GPC6: variants seen among roughly 807,000 people sequenced by gnomAD.
The protein encoded by GPC6 is glypican 6.
GPC6 carries 14 observed loss-of-function variants against 55.2 expected under a neutral mutation model. The ratio of observed to expected loss-of-function variants is 0.25; its 90% confidence interval spans 0.17 to 0.40. GPC6 has a LOEUF of 0.40. Ranked by LOEUF, GPC6 falls within the 10% of genes least tolerant of loss-of-function variation. GPC6 has a pLI of 1.00. For missense variants in GPC6, 641 were observed against 708.5 expected, an observed-to-expected ratio of 0.90 and a Z score of 1.08; for synonymous variants, 278 against 259.6, an observed-to-expected ratio of 1.07 and a Z score of -0.68.
chr13:94,004,484 A>C, intron 3 of GPC6, among the ~76,000 whole-genome samples: 1 of 152,158 alleles, frequency 6.6e-6, no homozygotes, highest in East Asian at 1.9e-4. Flanking sequence ...CAGCACTTGG[A>C]ACATATTGGA....
At chr13:93,998,740 A>G (rs964404736) in intron 3 of GPC6, among the ~76,000 whole-genome samples, 1 of 152,180 alleles carries the variant, frequency 6.6e-6, no homozygotes, top group Non-Finnish European at 1.5e-5. Context: ...TACATTATAT[A>G]CAGCATGATG....
chr13:94,266,110 T>C (rs552752750), intron 4 of GPC6, among the ~76,000 whole-genome samples: 1 of 152,158 alleles, frequency 6.6e-6, no homozygotes, highest in South Asian at 2.1e-4. Flanking sequence ...CTTTTCCCTG[T>C]CTCCTTGTTT....
chr13:93,223,635 G>C (rs373841078), upstream of GPC6, among the ~76,000 whole-genome samples: 38 of 152,050 alleles, frequency 2.5e-4, no homozygotes, highest in East Asian at 7.0e-3. Context: ...GTAGAGAAGG[G>C]GTTTCGCCAT....
At position 93,789,497 on chromosome 13, in the gene GPC6, CTCTCTCTCTCTCTATATA is replaced by C. The variant is rs1046234159; in HGVS notation, c.320-40655_320-40638del. Among the ~76,000 whole-genome samples the C allele has an allele frequency of 1.3e-4, 10 of 77,004 alleles. No individual in the cohort carries two copies. The South Asian group carries it at 3.1e-3, about 24-fold the overall frequency. The allele number at this position is 77,004 out of a possible 152,430, so 50.5% of individuals were successfully genotyped here. The stretch of plus-strand genomic sequence containing the variant: ...ATGTGAGTGAACTCTCTCTCTCTCT[CTCTCTCTCTCTCTATATA>C]TATATATATATATATATATAGTCAG... On this transcript the variant is annotated intron_variant, in intron 2 of 8. Coordinates refer to ENST00000377047, the MANE Select transcript of GPC6 (RefSeq NM_005708.5).
chr13:94,150,156 C>T (rs143780102), intron 4 of GPC6, among the ~76,000 whole-genome samples: 29 of 152,216 alleles, frequency 1.9e-4, no homozygotes, highest in South Asian at 1.0e-3. Flanking sequence ...GCGGATGCAT[C>T]CAGGTGCCCT....
intron 4 of GPC6, among the ~76,000 whole-genome samples, chr13:94,266,150 TC>T (rs1253854727): frequency 8.0e-5 from 8 of 99,778 alleles, no homozygotes; most frequent in African/African-American, 3.3e-4. Flanking sequence ...ACTTTTCTTT[TC>T]TTTTTTTTTT....
At chr13:93,487,698 G>A (rs180759493) in intron 1 of GPC6, among the ~76,000 whole-genome samples, 14 of 152,272 alleles carry the variant, frequency 9.2e-5, no homozygotes, top group African/African-American at 3.4e-4. Flanking sequence ...AAAGAAGTAG[G>A]ATGACATTTA....
At chr13:93,514,178 C>A (rs1374276290) in intron 1 of GPC6, among the ~76,000 whole-genome samples, 1 of 151,972 alleles carries the variant, frequency 6.6e-6, no homozygotes, top group Non-Finnish European at 1.5e-5. Flanking sequence ...TGGTCACATT[C>A]ATCTTTTCAC....
chr13:94,305,666 G>C (rs1360162802), intron 5 of GPC6, among the ~76,000 whole-genome samples: 1 of 152,172 alleles, frequency 6.6e-6, no homozygotes, highest in Admixed American at 6.5e-5. Flanking sequence ...TGAGAGTGCT[G>C]TGAGTATTAA....
intron 1 of GPC6, chr13:93,395,192 C>A (rs1170062529): frequency 3.3e-6 from 1 of 299,024 alleles, no homozygotes; most frequent in Non-Finnish European, 6.5e-6. Context: ...AAAGTCACTG[C>A]AACTACTAAT....
At chr13:93,588,515 A>G (rs1566438017) in intron 2 of GPC6, among the ~76,000 whole-genome samples, 2 of 152,142 alleles carry the variant, frequency 1.3e-5, no homozygotes, top group Non-Finnish European at 2.9e-5. Flanking sequence ...CTGTTCTTGC[A>G]TAGCTATGAA....
At chr13:94,143,397 A>C (rs1215597956) in intron 4 of GPC6, among the ~76,000 whole-genome samples, 1 of 152,192 alleles carries the variant, frequency 6.6e-6, no homozygotes, top group East Asian at 1.9e-4. Context: ...CTATATAGGC[A>C]GTGTTATCTT....
intron 2 of GPC6, among the ~76,000 whole-genome samples, chr13:93,601,176 G>A (rs971256736): frequency 1.3e-5 from 2 of 151,758 alleles, no homozygotes; most frequent in South Asian, 2.1e-4. Flanking sequence ...ATCACTTAAG[G>A]TCAGGAGTTC....
At chr13:94,026,034 T>C (rs2138718491) in intron 3 of GPC6, among the ~76,000 whole-genome samples, 1 of 152,242 alleles carries the variant, frequency 6.6e-6, no homozygotes, top group African/African-American at 2.4e-5. Flanking sequence ...AAAACGTAAA[T>C]TGTACCATGT....
At chr13:93,507,293 C>T (rs1880775008) in intron 1 of GPC6, among the ~76,000 whole-genome samples, 1 of 152,112 alleles carries the variant, frequency 6.6e-6, no homozygotes, top group African/African-American at 2.4e-5. Context: ...AGCCCACCTT[C>T]TCTCTCCTTT....
chr13:94,340,069 T>C (rs1482814917), intron 6 of GPC6, among the ~76,000 whole-genome samples: 1 of 152,152 alleles, frequency 6.6e-6, no homozygotes, highest in Non-Finnish European at 1.5e-5. Context: ...GCCTAATTTC[T>C]AAGTTTGCTT....
chr13:93,670,640 A>G (rs1881322112), intron 2 of GPC6, among the ~76,000 whole-genome samples: 1 of 152,200 alleles, frequency 6.6e-6, no homozygotes, highest in African/African-American at 2.4e-5. Context: ...TATGAAAGCA[A>G]TTCAACTTTA....
intron 1 of GPC6, among the ~76,000 whole-genome samples, chr13:93,532,023 A>G (rs1881888230): frequency 6.6e-6 from 1 of 152,190 alleles, no homozygotes; most frequent in African/African-American, 2.4e-5. Flanking sequence ...TAGTTTCTGC[A>G]CTTTTCTACA....
intron 1 of GPC6, among the ~76,000 whole-genome samples, chr13:93,387,758 C>G (rs578014098): frequency 6.6e-6 from 1 of 152,260 alleles, no homozygotes; most frequent in Non-Finnish European, 1.5e-5. Flanking sequence ...GTGATGGAGA[C>G]TTTGAAAGAA....
Sources: allele counts gnomAD v4.1 joint callset (sites outside exome capture counted in the v4.1 genomes callset), GRCh38; gene constraint gnomAD v4.1.1; transcripts MANE v1.5; gene names NCBI Gene and HGNC (gene_info 2026-07-23, HGNC 2026-07-21).